The following SZT2 variants were observed in gnomAD, a reference collection of about 807,000 sequenced individuals.
SZT2 encodes SZT2 subunit of KICSTOR complex, also known as KICSTOR complex protein SZT2.
In SZT2, 216 loss-of-function variants were observed where a neutral mutation model predicts 404.2. The ratio of observed to expected loss-of-function variants is 0.53; its 90% CI spans 0.48 to 0.60. The LOEUF (loss-of-function observed/expected upper bound fraction) is 0.60, where lower values mean the gene tolerates loss of function less well. Ranked by LOEUF, SZT2 falls within the 20% of genes least tolerant of loss-of-function variation. The pLI is 0.00. For missense variants in SZT2, 3,857 were observed against 4,459.2 expected (o/e 0.86, Z 3.85); for synonymous variants, 1,693 against 1,749.9 (o/e 0.97, Z 0.81).
At chr1:43,399,523 G>A (rs1649416251) in intron 1 of SZT2, among the ~76,000 whole-genome samples, 3 of 148,042 alleles carry the variant, frequency 2.0e-5, no homozygotes, top group African/African-American at 7.6e-5. Context: ...GTGCAGTGGC[G>A]TGATCTCGAC....
rs750666115 is a variant in SZT2, at chr1:43,427,228, A to G, written c.3433+49A>G. On this transcript the variant is annotated intron_variant, in intron 24 of 71. Transcript: ENST00000634258. The stretch of plus-strand genomic sequence containing the variant: ...GAACCCCCTCAGATACAAACCCCTG[A>G]GCTCCCTCACTGGCCCACCAGGCAG... 21 of 1,606,970 alleles carry G rather than the reference A, an allele frequency of 1.3e-5. No homozygotes were observed. The South Asian group carries it at 2.3e-4, about 18-fold the overall frequency.
chr1:43,392,226 T>G lies in SZT2; in HGVS notation c.27+2231T>G, dbSNP rs1648471991. Among the ~76,000 whole-genome samples, 4 of 151,914 alleles carry G rather than the reference T, an allele frequency of 2.6e-5. 1 individual carries two copies. In the South Asian group the frequency reaches 8.3e-4, roughly 31 times the overall value. On this transcript the variant is annotated intron_variant, in intron 1 of 71. Transcript: ENST00000634258. ...CAAAACATCGTGAGATATTTAACAT[T>G]TTTTTTGGTACCAAGTCTTTAAAAT...
At chr1:43,431,231 C>T (rs1339074915) in intron 33 of SZT2, 34 bp from the exon 34 acceptor site, 2 of 1,575,292 alleles carry the variant, frequency 1.3e-6, no homozygotes, top group Non-Finnish European at 1.7e-6. Context: ...AGGATAGTAA[C>T]TCCTGACCTT....
At chr1:43,434,264 A>C (rs775417753) in intron 40 of SZT2, 122 bp from the exon 41 acceptor site, 1 of 811,208 alleles carries the variant, frequency 1.2e-6, no homozygotes, top group African/African-American at 1.8e-5. Flanking sequence ...TCTTGGCCCC[A>C]CCTCCATGAC....
At position 43,433,189 on chromosome 1, in the gene SZT2, C is replaced by T. The variant is rs745371792; in HGVS notation, c.5803C>T (p.Arg1935Trp). ...CCGTGTGGAAGTGTATGCACATGCA[C>T]GGTAAGTAGAAGCCAGGGCCTGCAC... ...QDRVEVYAHA[R>W]SLIREDGGPG... Residue 1935 changes from arginine (R) to tryptophan (W), a missense_variant and splice_region_variant, in exon 40 of 72, where the codon CGG becomes TGG. Coordinates refer to ENST00000634258, the MANE Select transcript of SZT2 (RefSeq NM_001365999.1). 7.5e-5 allele frequency: 121 copies of T among 1,613,020 alleles called. No homozygotes were observed. The highest frequency in any genetic ancestry group is 8.6e-5 in the Non-Finnish European group (102 of 1,179,940).
At chr1:43,390,790 A>G (rs1256294942) in intron 1 of SZT2, among the ~76,000 whole-genome samples, 1 of 152,242 alleles carries the variant, frequency 6.6e-6, no homozygotes, top group Non-Finnish European at 1.5e-5. Context: ...TCTGAGCTTA[A>G]AATCTCAGAT....
chr1:43,442,233 C>T lies in SZT2; in HGVS notation c.7874-35C>T. The stretch of plus-strand genomic sequence containing the variant: ...GGGTGGGATCAAGGGGGATCTGTTC[C>T]CAGGCCCCTATTGTGCCCCTCCCCC... On this transcript the variant is annotated intron_variant, in intron 56 of 71. Coordinates refer to ENST00000634258, the MANE Select transcript of SZT2 (RefSeq NM_001365999.1). The surrounding 1 kb of genome is among the most constrained non-coding windows in gnomAD (Gnocchi z 4.5). The T allele has an allele frequency of 1.2e-6, 2 of 1,605,258 alleles. No homozygotes were observed. The highest frequency in any genetic ancestry group is 1.1e-5 in the South Asian group (1 of 89,440).
In SZT2 at chr1:43,446,186, G is replaced by A; in HGVS notation, c.8924G>A (p.Ser2975Asn). Reference sequence around the variant, plus strand: ...CCTTTTTTGTTTCTTCAGAGCACTAGCTCTCCGGTAACCACCTACCACCTG... The same window carrying A: ...CCTTTTTTGTTTCTTCAGAGCACTAACTCTCCGGTAACCACCTACCACCTG... ...TKTDGSPKST[S>N]SPVTTYHLQR... Residue 2975 changes from serine to asparagine, a missense_variant, in exon 64 of 72, where the codon AGC becomes AAC. Transcript: ENST00000634258. The A allele has an allele frequency of 6.2e-7, 1 of 1,614,194 alleles. No individual in the cohort carries two copies. Among genetic ancestry groups the A allele is most frequent in the Non-Finnish European group, 8.5e-7 (1 of 1,180,044 alleles).
chr1:43,398,136 T>C (rs922970939), intron 1 of SZT2, among the ~76,000 whole-genome samples: 6 of 152,182 alleles, frequency 3.9e-5, no homozygotes, highest in Non-Finnish European at 2.9e-5. Context: ...AAACAAAAAG[T>C]ATTTAGTACC....
intron 1 of SZT2, among the ~76,000 whole-genome samples, chr1:43,392,342 A>G (rs980295989): frequency 2.0e-5 from 3 of 152,014 alleles, no homozygotes; most frequent in African/African-American, 7.2e-5. Context: ...TCTTTACCAT[A>G]TAGAGCAGTA....
intron 30 of SZT2, 39 bp downstream of exon 30, chr1:43,430,142 C>T: frequency 2.5e-6 from 4 of 1,608,998 alleles, no homozygotes; most frequent in African/African-American, 1.3e-5. Flanking sequence ...GTGCCCTCAA[C>T]CCAGAGGCCC....
chr1:43,394,408 G>A (rs1168321768), intron 1 of SZT2, among the ~76,000 whole-genome samples: 2 of 151,982 alleles, frequency 1.3e-5, no homozygotes, highest in Admixed American at 6.6e-5. Context: ...GTTGGTCTGG[G>A]GTGGTGCCTG....
intron 1 of SZT2, among the ~76,000 whole-genome samples, chr1:43,391,032 G>C (rs1193775970): frequency 6.6e-6 from 1 of 151,496 alleles, no homozygotes; most frequent in Non-Finnish European, 1.5e-5. Context: ...GAGTAACAAA[G>C]TAAGCCGGGC....
At chr1:43,436,923 C>T in intron 42 of SZT2, 1 of 535,976 alleles carries the variant, frequency 1.9e-6, no homozygotes, top group South Asian at 2.6e-5. Flanking sequence ...GCCTTGATAC[C>T]TCTCATTAGC....
At position 43,425,043 on chromosome 1, in the gene SZT2, G is replaced by A. The variant is rs776940032; in HGVS notation, c.2551-70G>A. The A allele has an allele frequency of 2.0e-5, 32 of 1,597,590 alleles. No homozygotes were observed. The highest frequency in any genetic ancestry group is 2.7e-5 in the Non-Finnish European group (31 of 1,165,644). ...TGGTGAGGGAACTGAAATTCTGAGG[G>A]CCAGAGCTAGGCCAGGCCAGATCTC... On this transcript the variant is annotated intron_variant, in intron 17 of 71. Coordinates refer to ENST00000634258, the MANE Select transcript of SZT2 (RefSeq NM_001365999.1). This position sits in a 1 kb window ranked among gnomAD's most constrained non-coding sequence, Gnocchi z 4.3.
In SZT2 at chr1:43,439,591, G is replaced by T. The variant is rs1654843265; in HGVS notation, c.6878-14G>T. On this transcript the variant is annotated splice_polypyrimidine_tract_variant and intron_variant, in intron 49 of 71. Transcript: ENST00000634258. The surrounding 1 kb of genome is among the most constrained non-coding windows in gnomAD (Gnocchi z 4.2). ...AAGTCCCAGAGCTGAGCCTTCCTAT[G>T]GATTTCTACCCAGGGGTTGCCTGCA... 6.2e-7 allele frequency: 1 copy of T among 1,613,678 alleles called. No individual in the cohort carries two copies. The highest frequency in any genetic ancestry group is 1.3e-5 in the African/African-American group (1 of 74,926).
chr1:43,438,642 T>G, intron 46 of SZT2, 57 bp from the exon 47 acceptor site: 1 of 1,521,096 alleles, frequency 6.6e-7, no homozygotes, highest in Non-Finnish European at 9.1e-7. Flanking sequence ...AGGGCTGCTA[T>G]GGAGGTAGCT....
intron 1 of SZT2, chr1:43,394,036 C>T: frequency 2.0e-6 from 2 of 980,070 alleles, no homozygotes; most frequent in Middle Eastern, 5.2e-4. Flanking sequence ...TCTTCCTTGC[C>T]AGACTACTCT....
chr1:43,417,214 C>T (rs761205560), intron 7 of SZT2, among the ~76,000 whole-genome samples: 22 of 152,012 alleles, frequency 1.4e-4, no homozygotes, highest in Non-Finnish European at 2.2e-4. Context: ...GGGTGAAGGA[C>T]GGGGGAAGTC....
Sources: allele counts gnomAD v4.1 joint callset (sites outside exome capture counted in the v4.1 genomes callset), GRCh38; gene constraint gnomAD v4.1.1; non-coding constraint Gnocchi (gnomAD v3.1); transcripts MANE v1.5; gene names NCBI Gene and HGNC (gene_info 2026-07-23, HGNC 2026-07-21).